ZNF81: variants seen among roughly 807,000 people sequenced by gnomAD.
ZNF81 encodes zinc finger protein 81 (HFZ20).
ZNF81 carries 5 observed loss-of-function variants against 32.3 expected under a neutral mutation model. That is an observed-to-expected ratio of 0.15 (90% CI 0.08 to 0.33). The LOEUF (loss-of-function observed/expected upper bound fraction) is 0.33, where lower values mean the gene tolerates loss of function less well. ZNF81 is among the 10% of genes least tolerant of loss of function. The pLI, the probability that ZNF81 is intolerant of heterozygous loss-of-function variation, is 1.00. For missense variants in ZNF81, 379 were observed against 479.8 expected (o/e 0.79, Z 1.96); for synonymous variants, 163 against 166.8 (o/e 0.98, Z 0.17).
At chrX:47,879,783 C>T (rs184221319) in intron 2 of ZNF81, among the ~76,000 whole-genome samples, 13 of 112,076 alleles carry the variant, frequency 1.2e-4, no homozygotes, top group African/African-American at 4.2e-4. Flanking sequence ...AGTCTGCTTT[C>T]AAGATGTGCA....
intron 2 of ZNF81, among the ~76,000 whole-genome samples, chrX:47,875,048 A>G (rs188828616): frequency 8.0e-5 from 8 of 100,199 alleles, no homozygotes; most frequent in Admixed American, 4.3e-4. Context: ...CTCAAAGATT[A>G]TGGCTTTCTT....
rs782275384 is a variant in ZNF81 at position 47,846,213 on chromosome X, T to G, written c.-55T>G. On this transcript the variant is annotated 5_prime_UTR_variant, in exon 2 of 5. Transcript: ENST00000338637. ...GTTGAGTCCACCGATCCCACTGGAATTATAAAGTTGTCAGCAAGAAAGCCC... is the reference window on the plus strand; with the variant it reads ...GTTGAGTCCACCGATCCCACTGGAAGTATAAAGTTGTCAGCAAGAAAGCCC... 9.3e-6 allele frequency: 11 copies of G among 1,177,166 alleles called. No individual in the cohort carries two copies. The South Asian group carries it at 2.0e-4, about 22-fold the overall frequency.
At chrX:47,905,461 A>G (rs922150893) in intron 4 of ZNF81, among the ~76,000 whole-genome samples, 61 of 106,951 alleles carry the variant, frequency 5.7e-4, no homozygotes, top group African/African-American at 1.8e-3. Context: ...CTGAAGCACT[A>G]TGATGAAAGT....
At position 47,882,583 on chromosome X, in the gene ZNF81, A is replaced by G. The variant is rs1233769138; in HGVS notation, c.55-5416A>G. 2.7e-5 allele frequency among the ~76,000 whole-genome samples: 3 copies of G among 112,918 alleles called. No individual in the cohort carries two copies. In the East Asian group the frequency reaches 8.3e-4, roughly 31 times the overall value. On this transcript the variant is annotated intron_variant, in intron 2 of 4. Coordinates refer to ENST00000338637, the MANE Select transcript of ZNF81 (RefSeq NM_007137.5). ...CTGATTATCATGAATCAAGCCTGCT[A>G]TGGGCATTCTTATATAAGTTTTCTG...
intron 2 of ZNF81, among the ~76,000 whole-genome samples, chrX:47,869,215 C>A (rs955124883): frequency 7.1e-5 from 8 of 112,015 alleles, no homozygotes; most frequent in Non-Finnish European, 1.5e-4. Flanking sequence ...GCTTGAGTAT[C>A]TGGATGCATA....
chrX:47,854,441 TCTGA>T (rs1382927069), intron 2 of ZNF81, among the ~76,000 whole-genome samples: 4 of 112,425 alleles, frequency 3.6e-5, no homozygotes, highest in South Asian at 7.4e-4. Flanking sequence ...TCACAACTTG[TCTGA>T]CTGGTGCAAG....
chrX:47,861,073 T>C (rs1344169828), intron 2 of ZNF81: 1 of 112,230 alleles, frequency 8.9e-6, no homozygotes, highest in Non-Finnish European at 1.9e-5. Context: ...CTATGAGCTA[T>C]TCTAGCAATT....
In ZNF81 at chrX:47,925,120, C is replaced by T. The variant is rs782088759; in HGVS notation, c.*8488C>T. On this transcript the variant is annotated 3_prime_UTR_variant, in exon 5 of 5. Transcript: ENST00000338637. ...ATCCAGTCCATTTCCAAATTTCTCC[C>T]ATTGTCCCCAAAACATATTTTACAG... Among the ~76,000 whole-genome samples the T allele has an allele frequency of 9.0e-6, 1 of 111,601 alleles. No individual in the cohort carries two copies. Among genetic ancestry groups the T allele is most frequent in the East Asian group, 2.8e-4 (1 of 3,581 alleles).
In ZNF81 at chrX:47,889,675, T is replaced by C. The variant is rs577238708; in HGVS notation, c.181+1550T>C. ...TAATTTATAAAGAAAAGAGGTTTAA[T>C]TCGCTCACGGTTCTGCAGGCTGTAA... On this transcript the variant is annotated intron_variant, in intron 3 of 4. Coordinates refer to ENST00000338637, the MANE Select transcript of ZNF81 (RefSeq NM_007137.5). Among the ~76,000 whole-genome samples, 154 of 112,206 alleles carry C rather than the reference T, an allele frequency of 1.4e-3. 1 individual carries two copies. Among genetic ancestry groups the C allele is most frequent in the African/African-American group, 4.8e-3 (149 of 30,881 alleles).
Position 47,862,256 on chromosome X carries a change from G to A in ZNF81, c.54+15935G>A, listed in dbSNP as rs188154161. 2.3e-4 allele frequency among the ~76,000 whole-genome samples: 26 copies of A among 110,908 alleles called. No individual in the cohort carries two copies. In the East Asian group the frequency reaches 6.5e-3, roughly 28 times the overall value. ...AAAGAGTACAATCTCGGCCGGGTGC[G>A]GTGGCTCATGCCTGTAATCCCAGCA... On this transcript the variant is annotated intron_variant, in intron 2 of 4. Transcript: ENST00000338637.
At chrX:47,885,799 A>G (rs73632367) in intron 2 of ZNF81, among the ~76,000 whole-genome samples, 2,201 of 112,142 alleles carry the variant, frequency 0.02, 59 homozygotes, top group African/African-American at 0.068. Flanking sequence ...TAATACTGTT[A>G]CATTGGGATT....
intron 4 of ZNF81, among the ~76,000 whole-genome samples, chrX:47,905,408 C>CT (rs1201080259): frequency 1.9e-5 from 1 of 53,383 alleles, no homozygotes; most frequent in Non-Finnish European, 3.2e-5. Context: ...GAGACTCCAT[C>CT]TAAAAAAAAA....
chrX:47,921,769 G>A lies in ZNF81; in HGVS notation c.*5137G>A, dbSNP rs2058777872. The A allele has an allele frequency of 9.0e-6, 1 of 111,096 alleles. No homozygotes were observed. The allele number at this position is 111,096 out of a possible 1,213,427, so 9.2% of individuals were successfully genotyped here. A position where few individuals can be genotyped will look rare whatever the true frequency, so the allele number is the denominator to read the frequency against. On this transcript the variant is annotated 3_prime_UTR_variant, in exon 5 of 5. Coordinates refer to ENST00000338637, the MANE Select transcript of ZNF81 (RefSeq NM_007137.5). The stretch of plus-strand genomic sequence containing the variant: ...TAGCCCTGTGGAAAGGTCCACATGA[G>A]TGAACTTTGAAGCATATCCTCCCCC...
chrX:47,891,313 C>T (rs1317375457), intron 3 of ZNF81, among the ~76,000 whole-genome samples: 5 of 112,684 alleles, frequency 4.4e-5, no homozygotes, highest in Non-Finnish European at 7.5e-5. Context: ...CACTTGGTGA[C>T]GTTTACAGTA....
intron 3 of ZNF81, among the ~76,000 whole-genome samples, chrX:47,894,649 T>C (rs2058673664): frequency 9.0e-6 from 1 of 110,735 alleles, no homozygotes; most frequent in African/African-American, 3.3e-5. Flanking sequence ...GTAATAGGGG[T>C]GTCATTCCTG....
chrX:47,916,356 T>G lies in ZNF81; in HGVS notation c.1710T>G (p.Ile570Met). ...CCTTCATCCAGAAGTCAGAGTTGAT[T>G]ACACATCAGAGAATTCATACTACAG... ...GRAFIQKSEL[I>M]THQRIHTTEK... Residue 570 changes from isoleucine to methionine, a missense_variant, in exon 5 of 5, where the codon ATT becomes ATG. Ile to Met is a conservative substitution (Grantham distance 10). Around this residue, in one of 2 missense-constraint regions of ZNF81, gnomAD observed 102 missense variants for 173.2 expected, o/e 0.59. Transcript: ENST00000338637. The G allele has an allele frequency of 8.3e-7, 1 of 1,211,693 alleles. No homozygotes were observed. Among genetic ancestry groups the G allele is most frequent in the East Asian group, 3.0e-5 (1 of 33,838 alleles).
chrX:47,850,812 G>A (rs1291514355), intron 2 of ZNF81, among the ~76,000 whole-genome samples: 1 of 109,871 alleles, frequency 9.1e-6, no homozygotes, highest in Non-Finnish European at 1.9e-5. Context: ...TTTGACCCCA[G>A]TGGCCTATAT....
rs782160408 is a variant in ZNF81, at chrX:47,846,341, G to T, written c.54+20G>T. ...TGTGAGGTGAGGAGGAGGAAGAGGT[G>T]CCCAGGGATTGGAATTCATCCACAG... is the stretch of plus-strand genomic sequence containing the variant. On this transcript the variant is annotated intron_variant, in intron 2 of 4. Coordinates refer to ENST00000338637, the MANE Select transcript of ZNF81 (RefSeq NM_007137.5). 4 of 1,202,346 alleles carry T rather than the reference G, an allele frequency of 3.3e-6. No homozygotes were observed. Among genetic ancestry groups the T allele is most frequent in the Non-Finnish European group, 4.5e-6 (4 of 891,221 alleles).
chrX:47,866,817 G>A (rs1556883328), intron 2 of ZNF81, among the ~76,000 whole-genome samples: 1 of 111,124 alleles, frequency 9.0e-6, no homozygotes, highest in Non-Finnish European at 1.9e-5. Context: ...GTTCATGGCA[G>A]CACTATTCAC....
Sources: allele counts gnomAD v4.1 joint callset (sites outside exome capture counted in the v4.1 genomes callset), GRCh38; gene constraint gnomAD v4.1.1; regional missense constraint gnomAD v4.1.1; transcripts MANE v1.5; gene names NCBI Gene and HGNC (gene_info 2026-07-23, HGNC 2026-07-21).